The following GALNT13 variants were observed in gnomAD, a reference collection of about 807,000 sequenced individuals.
GALNT13 encodes the protein polypeptide N-acetylgalactosaminyltransferase 13.
GALNT13 carries 28 observed loss-of-function variants against 64.2 expected under a neutral mutation model. The ratio of observed to expected loss-of-function variants is 0.44; its 90% confidence interval spans 0.32 to 0.60. GALNT13 has a LOEUF of 0.60. GALNT13 is among the 20% of genes least tolerant of loss of function. GALNT13 has a pLI of 0.05. For synonymous variants in GALNT13, 214 were observed against 224.6 expected (o/e 0.95, Z 0.42); for missense variants, 577 against 669.8 (o/e 0.86, Z 1.53).
the GALNT13 span, chr2:153,354,201 C>T: frequency 6.6e-6 from 1 of 152,158 alleles, no homozygotes; most frequent in African/African-American, 2.4e-5. Flanking sequence ...AAGCCCTAGA[C>T]ATTTCTGTAT....
chr2:153,944,115 A>T (rs1691540532), intron 2 of GALNT13, among the ~76,000 whole-genome samples: 1 of 152,176 alleles, frequency 6.6e-6, no homozygotes, highest in Non-Finnish European at 1.5e-5. Context: ...AAAGAATATC[A>T]TGATATGACT....
chr2:154,435,375 TTCA>T (rs1005636215), intron 11 of GALNT13, among the ~76,000 whole-genome samples: 1 of 152,136 alleles, frequency 6.6e-6, no homozygotes, highest in African/African-American at 2.4e-5. Flanking sequence ...GCATAAAGGT[TTCA>T]ACCACAGCAA....
the GALNT13 span, among the ~76,000 whole-genome samples, chr2:153,717,746 T>C: frequency 2.0e-5 from 3 of 152,200 alleles, no homozygotes; most frequent in African/African-American, 7.2e-5. Context: ...GAGGCTTTTG[T>C]AATGACTGTT....
At chr2:153,164,824 A>C in the GALNT13 span, among the ~76,000 whole-genome samples, 2 of 151,766 alleles carry the variant, frequency 1.3e-5, no homozygotes, top group African/African-American at 4.8e-5. Flanking sequence ...TTGTGCACCA[A>C]CTCCCCTTTC....
chr2:153,462,361 A>AT, the GALNT13 span, among the ~76,000 whole-genome samples: 1 of 152,092 alleles, frequency 6.6e-6, no homozygotes, highest in Non-Finnish European at 1.5e-5. Context: ...AGATGAAGGC[A>AT]TTTTTTAAAT....
rs67387315 is a variant in GALNT13 at position 154,269,906 on chromosome 2, G to GTATA, written c.975+10784_975+10787dup. Reference sequence around the variant, plus strand: ...GTCATATATATATTTATATATATGTGTATATATATATATATATATTTCTAA... The same window carrying GTATA: ...GTCATATATATATTTATATATATGTGTATATATATATATATATATATATTTCTAA... On this transcript the variant is annotated intron_variant, in intron 8 of 12. Transcript: ENST00000392825. Among the ~76,000 whole-genome samples the GTATA allele has an allele frequency of 4.6e-4, 45 of 96,854 alleles. 1 individual carries two copies. Among genetic ancestry groups the GTATA allele is most frequent in the East Asian group, 1.4e-3 (3 of 2,098 alleles). 63.5% of individuals were successfully genotyped at this position (96,854 alleles called of 152,430 possible).
chr2:153,286,038 C>G, the GALNT13 span, among the ~76,000 whole-genome samples: 3 of 151,950 alleles, frequency 2.0e-5, no homozygotes, highest in African/African-American at 7.2e-5. Context: ...TATAGAATAA[C>G]TAATAGCAGA....
chr2:154,397,965 A>G (rs1178570247), intron 10 of GALNT13, among the ~76,000 whole-genome samples: 1 of 152,194 alleles, frequency 6.6e-6, no homozygotes. Flanking sequence ...AATGTGTAAC[A>G]TCCTCATGTT....
chr2:154,381,342 C>T (rs1000335732), intron 9 of GALNT13, among the ~76,000 whole-genome samples: 4 of 152,030 alleles, frequency 2.6e-5, no homozygotes, highest in African/African-American at 9.7e-5. Flanking sequence ...TATCTCAGCT[C>T]AAAGATCACT....
chr2:153,181,993 A>T, the GALNT13 span, among the ~76,000 whole-genome samples: 1 of 150,944 alleles, frequency 6.6e-6, no homozygotes, highest in Non-Finnish European at 1.5e-5. Flanking sequence ...ATTCAGCTTG[A>T]AAATAAATTC....
At chr2:153,912,648 G>A (rs375729214) in intron 2 of GALNT13, among the ~76,000 whole-genome samples, 1 of 151,934 alleles carries the variant, frequency 6.6e-6, no homozygotes, top group Non-Finnish European at 1.5e-5. Context: ...TCAGTCAATT[G>A]GATTCATTTC....
chr2:154,253,993 G>A (rs550571417), intron 7 of GALNT13, among the ~76,000 whole-genome samples: 1 of 152,232 alleles, frequency 6.6e-6, no homozygotes, highest in East Asian at 1.9e-4. Flanking sequence ...ACAGTGATAA[G>A]GGCTTATAGA....
At chr2:153,092,810 T>G in the GALNT13 span, among the ~76,000 whole-genome samples, 1 of 152,172 alleles carries the variant, frequency 6.6e-6, no homozygotes, top group Non-Finnish European at 1.5e-5. Context: ...CCTTTCCAAT[T>G]TTAATTTCCT....
intron 3 of GALNT13, among the ~76,000 whole-genome samples, chr2:154,072,541 T>A (rs1700787529): frequency 6.6e-6 from 1 of 152,056 alleles, no homozygotes. Flanking sequence ...AGCTCATAAC[T>A]ATTACTGGTT....
the GALNT13 span, among the ~76,000 whole-genome samples, chr2:153,150,912 C>T: frequency 7.2e-5 from 11 of 152,044 alleles, no homozygotes; most frequent in African/African-American, 2.7e-4. Context: ...AGCATGATGC[C>T]TCCAGCTTTG....
the GALNT13 span, among the ~76,000 whole-genome samples, chr2:153,569,553 T>C: frequency 6.6e-6 from 1 of 151,866 alleles, no homozygotes; most frequent in South Asian, 2.1e-4. Flanking sequence ...TTTTTAATTA[T>C]TGTGGGTACA....
intron 3 of GALNT13, among the ~76,000 whole-genome samples, chr2:154,107,794 A>C (rs560473781): frequency 6.6e-6 from 1 of 151,846 alleles, no homozygotes; most frequent in African/African-American, 2.4e-5. Flanking sequence ...CTGTAAAAGC[A>C]CTCTGTTCTC....
the GALNT13 span, among the ~76,000 whole-genome samples, chr2:153,158,529 A>G: frequency 0.13 from 19,751 of 152,126 alleles, 1,376 homozygotes; most frequent in Non-Finnish European, 0.16. Flanking sequence ...CTCTGTGTCA[A>G]TAACATCTTA....
chr2:153,954,331 A>T (rs888573074), intron 3 of GALNT13, among the ~76,000 whole-genome samples: 3 of 152,164 alleles, frequency 2.0e-5, no homozygotes, highest in African/African-American at 7.2e-5. Context: ...TATAATATTT[A>T]TAATTGTAAA....
Sources: allele counts gnomAD v4.1 joint callset (sites outside exome capture counted in the v4.1 genomes callset), GRCh38; gene constraint gnomAD v4.1.1; transcripts MANE v1.5; gene names NCBI Gene and HGNC (gene_info 2026-07-23, HGNC 2026-07-21).